Variants in SPOCK1 observed in about 807,000 individuals in gnomAD.
SPOCK1 encodes the protein SPARC (osteonectin), cwcv and kazal like domains proteoglycan 1, also known as testican-1.
SPOCK1 carries 23 observed loss-of-function variants against 55.3 expected under a neutral mutation model. The observed-to-expected ratio is 0.42, with a 90% CI of 0.30 to 0.59. The LOEUF (loss-of-function observed/expected upper bound fraction) is 0.59. Among genes scored for constraint, SPOCK1 ranks in the 20% least tolerant of loss-of-function variants. The pLI is 0.22. For synonymous variants in SPOCK1, 226 were observed against 221.0 expected (o/e 1.02, Z -0.20); for missense variants, 499 against 552.5 (o/e 0.90, Z 0.97).
At chr5:137,111,772 C>T (rs1043712732) in intron 5 of SPOCK1, among the ~76,000 whole-genome samples, 2 of 152,108 alleles carry the variant, frequency 1.3e-5, no homozygotes, top group African/African-American at 2.4e-5. Flanking sequence ...GGCTTTTCCT[C>T]ATCTTTCCAA....
intron 6 of SPOCK1, among the ~76,000 whole-genome samples, chr5:137,044,424 C>T (rs1384615703): frequency 6.6e-6 from 1 of 152,164 alleles, no homozygotes; most frequent in Non-Finnish European, 1.5e-5. Flanking sequence ...GAATGAAGTA[C>T]TTAAACGCCC....
At chr5:137,493,952 A>G (rs1387555112) in intron 2 of SPOCK1, among the ~76,000 whole-genome samples, 1 of 151,964 alleles carries the variant, frequency 6.6e-6, no homozygotes, top group Admixed American at 6.6e-5. Flanking sequence ...AGACCACCAA[A>G]TCCCACAGAG....
chr5:137,044,792 C>T (rs201346290), intron 6 of SPOCK1, among the ~76,000 whole-genome samples: 6 of 130,510 alleles, frequency 4.6e-5, no homozygotes, highest in Non-Finnish European at 9.8e-5. Flanking sequence ...ATCCCTCCCC[C>T]CTCCCCCGAC....
chr5:137,017,253 A>G (rs1374783096), intron 6 of SPOCK1, among the ~76,000 whole-genome samples: 1 of 152,070 alleles, frequency 6.6e-6, no homozygotes, highest in Non-Finnish European at 1.5e-5. Flanking sequence ...ACAGCATTAC[A>G]TTTCTGTCTC....
intron 5 of SPOCK1, among the ~76,000 whole-genome samples, chr5:137,089,931 G>A (rs1029683885): frequency 6.6e-6 from 1 of 152,172 alleles, no homozygotes; most frequent in East Asian, 1.9e-4. Flanking sequence ...CAGGAGATGA[G>A]CCAGGAAGGC....
chr5:137,205,162 G>T (rs1366043456), intron 3 of SPOCK1, among the ~76,000 whole-genome samples: 1 of 152,198 alleles, frequency 6.6e-6, no homozygotes, highest in East Asian at 1.9e-4. Context: ...TTCATTCACT[G>T]CCATGTTGTC....
chr5:137,323,867 A>G (rs975035207), intron 2 of SPOCK1, among the ~76,000 whole-genome samples: 1 of 152,164 alleles, frequency 6.6e-6, no homozygotes, highest in African/African-American at 2.4e-5. Context: ...TCTCTCACAT[A>G]TTATCAGATA....
At chr5:137,257,649 C>T (rs993206105) in intron 3 of SPOCK1, among the ~76,000 whole-genome samples, 1 of 152,230 alleles carries the variant, frequency 6.6e-6, no homozygotes, top group Admixed American at 6.5e-5. Context: ...TTCACTTCTG[C>T]AGCACTGAGC....
At chr5:137,227,562 A>T (rs1755968921) in intron 3 of SPOCK1, among the ~76,000 whole-genome samples, 1 of 152,230 alleles carries the variant, frequency 6.6e-6, no homozygotes, top group South Asian at 2.1e-4. Flanking sequence ...ACTACCAGGC[A>T]TTGAGAATTG....
At chr5:137,390,941 C>G (rs969352546) in intron 2 of SPOCK1, among the ~76,000 whole-genome samples, 2 of 152,124 alleles carry the variant, frequency 1.3e-5, no homozygotes, top group Non-Finnish European at 2.9e-5. Context: ...GCAGAACGTG[C>G]AGGTTTGTTA....
intron 6 of SPOCK1, among the ~76,000 whole-genome samples, chr5:137,003,053 TA>T (rs1303365109): frequency 6.6e-6 from 1 of 152,222 alleles, no homozygotes; most frequent in East Asian, 1.9e-4. Context: ...TAAAGTGATT[TA>T]TTTTTAATGC....
intron 2 of SPOCK1, among the ~76,000 whole-genome samples, chr5:137,406,407 G>A (rs1420407037): frequency 6.6e-6 from 1 of 152,230 alleles, no homozygotes; most frequent in African/African-American, 2.4e-5. Context: ...GGCAACCAAT[G>A]GGCCTGGGGG....
intron 9 of SPOCK1, among the ~76,000 whole-genome samples, chr5:136,983,468 C>T (rs1406160284): frequency 6.6e-6 from 1 of 152,078 alleles, no homozygotes; most frequent in Non-Finnish European, 1.5e-5. Flanking sequence ...GGAGTGTACG[C>T]CATTGCATGC....
intron 2 of SPOCK1, among the ~76,000 whole-genome samples, chr5:137,463,816 C>T (rs1241354128): frequency 3.3e-5 from 5 of 151,976 alleles, no homozygotes; most frequent in South Asian, 2.1e-4. Flanking sequence ...GACACAGTGG[C>T]GTGCACCTGT....
chr5:137,435,798 T>C (rs1199929774), intron 2 of SPOCK1, among the ~76,000 whole-genome samples: 2 of 133,442 alleles, frequency 1.5e-5, no homozygotes, highest in Non-Finnish European at 3.3e-5. Flanking sequence ...GTGTTTTTCT[T>C]AGATTTTTTT....
At chr5:137,060,109 A>G (rs2127002295) in intron 6 of SPOCK1, among the ~76,000 whole-genome samples, 1 of 152,286 alleles carries the variant, frequency 6.6e-6, no homozygotes, top group East Asian at 1.9e-4. Flanking sequence ...TATTTACCCA[A>G]AGGAATATAA....
intron 3 of SPOCK1, among the ~76,000 whole-genome samples, chr5:137,194,671 T>A (rs912864537): frequency 1.3e-5 from 2 of 152,068 alleles, no homozygotes; most frequent in African/African-American, 4.8e-5. Context: ...GGCACCAGAC[T>A]CCTGCTTCCC....
chr5:137,313,570 A>C (rs1757823824), intron 2 of SPOCK1: 1 of 770,324 alleles, frequency 1.3e-6, no homozygotes, highest in Admixed American at 6.2e-5. Flanking sequence ...CTCCTCTTAA[A>C]ATGAACCTGA....
In SPOCK1 at chr5:136,976,585, A is replaced by G. The variant is rs991213410; in HGVS notation, c.*2069T>C. The G allele has an allele frequency of 1.3e-5, 2 of 152,622 alleles. 1 individual carries two copies. Among genetic ancestry groups the G allele is most frequent in the Admixed American group, 1.3e-4 (2 of 15,276 alleles). 9.5% of individuals were successfully genotyped at this position (152,622 alleles called of 1,614,324 possible). On this transcript the variant is annotated 3_prime_UTR_variant, in exon 11 of 11. Transcript: ENST00000394945. ...TGATGATCTAAAGTGAGATTTTACAATGTCGTGATTTTTAATATACTTCAT... is the reference window on the plus strand; with the variant it reads ...TGATGATCTAAAGTGAGATTTTACAGTGTCGTGATTTTTAATATACTTCAT...
Sources: gnomAD v4.1 joint callset for allele counts (sites outside exome capture counted in the v4.1 genomes callset) on GRCh38, gnomAD v4.1.1 for gene constraint, MANE v1.5 for transcripts, NCBI Gene and HGNC (gene_info 2026-07-23, HGNC 2026-07-21) for gene names.